GALNTL6: variants seen among roughly 807,000 people sequenced by gnomAD.
GALNTL6 encodes polypeptide N-acetylgalactosaminyltransferase-like 6.
A neutral mutation model predicts 73.7 loss-of-function variants in GALNTL6; 46 were observed. The observed-to-expected ratio is 0.62, with a 90% CI of 0.49 to 0.80. The LOEUF is 0.80. Ranked by LOEUF, GALNTL6 falls within the 30% of genes least tolerant of loss-of-function variation. GALNTL6 has a pLI of 0.00. For missense variants in GALNTL6, 604 were observed against 755.0 expected (o/e 0.80, Z 2.34); for synonymous variants, 259 against 263.7 (o/e 0.98, Z 0.17).
chr4:172,021,511 T>C (rs1741400802), intron 2 of GALNTL6, among the ~76,000 whole-genome samples: 1 of 152,046 alleles, frequency 6.6e-6, no homozygotes, highest in Admixed American at 6.6e-5. Context: ...AAAATGTCCA[T>C]ATTATCCAAA....
chr4:171,905,195 C>A (rs7438482), intron 2 of GALNTL6, among the ~76,000 whole-genome samples: 5,467 of 151,742 alleles, frequency 0.036, 302 homozygotes, highest in African/African-American at 0.12. Context: ...AAGACACAGA[C>A]TGGCAAATTG....
chr4:172,600,013 G>A (rs1265048737), intron 5 of GALNTL6, among the ~76,000 whole-genome samples: 1 of 151,934 alleles, frequency 6.6e-6, no homozygotes, highest in South Asian at 2.1e-4. Context: ...AAAATGAAAC[G>A]ACAAAAAAGT....
At chr4:172,419,654 G>A (rs925191396) in intron 5 of GALNTL6, among the ~76,000 whole-genome samples, 1 of 152,116 alleles carries the variant, frequency 6.6e-6, no homozygotes, top group Non-Finnish European at 1.5e-5. Flanking sequence ...AACTAAAATT[G>A]CAATGAGAAG....
At chr4:172,729,472 A>T (rs1736023958) in intron 5 of GALNTL6, among the ~76,000 whole-genome samples, 1 of 152,114 alleles carries the variant, frequency 6.6e-6, no homozygotes, top group Non-Finnish European at 1.5e-5. Context: ...TTTTCCCAGC[A>T]CCACTTATTG....
intron 2 of GALNTL6, among the ~76,000 whole-genome samples, chr4:171,886,063 C>T (rs1487870476): frequency 6.6e-6 from 1 of 151,750 alleles, no homozygotes; most frequent in Non-Finnish European, 1.5e-5. Context: ...CTCTTTTTAA[C>T]CACATAAAGT....
At chr4:172,538,924 T>A (rs1735447430) in intron 5 of GALNTL6, among the ~76,000 whole-genome samples, 1 of 151,930 alleles carries the variant, frequency 6.6e-6, no homozygotes, top group African/African-American at 2.4e-5. Flanking sequence ...AGAAGTGTAA[T>A]CCAAGGAGAA....
chr4:172,234,532 G>A (rs983339848), intron 3 of GALNTL6, among the ~76,000 whole-genome samples: 3 of 152,046 alleles, frequency 2.0e-5, no homozygotes, highest in African/African-American at 7.2e-5. Flanking sequence ...CTGAAGGAGT[G>A]CTGATTTTAT....
At chr4:172,072,259 C>T (rs965336530) in intron 2 of GALNTL6, among the ~76,000 whole-genome samples, 27 of 151,704 alleles carry the variant, frequency 1.8e-4, no homozygotes, top group African/African-American at 6.5e-4. Flanking sequence ...TTCTTTTAAC[C>T]AATATGTTTG....
chr4:172,803,098 T>C (rs1027885489), intron 5 of GALNTL6, among the ~76,000 whole-genome samples: 1 of 152,216 alleles, frequency 6.6e-6, no homozygotes, highest in Admixed American at 6.5e-5. Context: ...AACTCTCTTC[T>C]TTCCCAGTTC....
intron 5 of GALNTL6, among the ~76,000 whole-genome samples, chr4:172,495,051 T>A (rs1734024407): frequency 6.6e-6 from 1 of 152,074 alleles, no homozygotes; most frequent in Non-Finnish European, 1.5e-5. Flanking sequence ...AGGGAGTGAC[T>A]GTAATATGAA....
At chr4:172,479,186 T>G (rs1208557994) in intron 5 of GALNTL6, among the ~76,000 whole-genome samples, 1 of 152,066 alleles carries the variant, frequency 6.6e-6, no homozygotes, top group Non-Finnish European at 1.5e-5. Context: ...AGAAAGTAAT[T>G]CACTGTATTA....
At chr4:171,914,566 C>T (rs563225798) in intron 2 of GALNTL6, among the ~76,000 whole-genome samples, 9 of 150,812 alleles carry the variant, frequency 6.0e-5, no homozygotes, top group South Asian at 2.1e-4. Context: ...ATTATAGACA[C>T]GGGCTACCAT....
intron 2 of GALNTL6, among the ~76,000 whole-genome samples, chr4:172,161,824 C>G (rs1734476873): frequency 6.6e-6 from 1 of 151,956 alleles, no homozygotes; most frequent in African/African-American, 2.4e-5. Flanking sequence ...CTATGCTTGA[C>G]TTTGTGTAGC....
chr4:172,975,230 C>G (rs1233967723), intron 10 of GALNTL6, among the ~76,000 whole-genome samples: 3 of 152,162 alleles, frequency 2.0e-5, no homozygotes, highest in African/African-American at 7.2e-5. Context: ...TCTCAGGACA[C>G]CCAAAGTGAG....
chr4:172,949,289 T>A (rs924422488), intron 9 of GALNTL6, among the ~76,000 whole-genome samples: 1 of 152,202 alleles, frequency 6.6e-6, no homozygotes, highest in Non-Finnish European at 1.5e-5. Context: ...ATGGCACTTA[T>A]GGTCTGAAAG....
chr4:172,755,226 T>A (rs1737678415), intron 5 of GALNTL6, among the ~76,000 whole-genome samples: 1 of 76,042 alleles, frequency 1.3e-5, no homozygotes, highest in African/African-American at 4.6e-5. Flanking sequence ...AAGAGATAGA[T>A]AAATGACAGA....
chr4:172,908,038 T>A (rs1227102871), intron 8 of GALNTL6, among the ~76,000 whole-genome samples: 1 of 152,138 alleles, frequency 6.6e-6, no homozygotes, highest in Non-Finnish European at 1.5e-5. Context: ...GATCTTATAA[T>A]CAAGGCTATC....
At chr4:172,470,097 C>T (rs1428992585) in intron 5 of GALNTL6, among the ~76,000 whole-genome samples, 1 of 152,150 alleles carries the variant, frequency 6.6e-6, no homozygotes, top group Non-Finnish European at 1.5e-5. Context: ...CCAGGTGTAG[C>T]ACAATGCTAG....
intron 5 of GALNTL6, among the ~76,000 whole-genome samples, chr4:172,490,746 C>T (rs1733867060): frequency 6.6e-6 from 1 of 151,922 alleles, no homozygotes; most frequent in African/African-American, 2.4e-5. Flanking sequence ...AGAAGCAGAC[C>T]CAAGAATCTG....
Sources: gnomAD v4.1 joint callset for allele counts (sites outside exome capture counted in the v4.1 genomes callset) on GRCh38, gnomAD v4.1.1 for gene constraint, MANE v1.5 for transcripts, NCBI Gene and HGNC (gene_info 2026-07-23, HGNC 2026-07-21) for gene names.